Variants in RCBTB1 observed in about 807,000 individuals in gnomAD.
RCBTB1 encodes RCC1 and BTB domain containing protein 1.
Under a neutral mutation model 62.4 loss-of-function variants are expected in RCBTB1, and 46 were observed. The observed-to-expected ratio is 0.74, with a 90% confidence interval of 0.58 to 0.94. The LOEUF (loss-of-function observed/expected upper bound fraction) is 0.94. Among genes scored for constraint, RCBTB1 ranks in the 40% least tolerant of loss-of-function variants. The pLI, the probability that RCBTB1 is intolerant of heterozygous loss-of-function variation, is 0.00. For missense variants in RCBTB1, 565 were observed against 654.9 expected, an observed-to-expected ratio of 0.86 and a Z score of 1.50; for synonymous variants, 222 against 245.8, an observed-to-expected ratio of 0.90 and a Z score of 0.91.
At chr13:49,547,819 C>T (rs923314813) in intron 9 of RCBTB1, among the ~76,000 whole-genome samples, 4 of 152,114 alleles carry the variant, frequency 2.6e-5, no homozygotes, top group South Asian at 2.1e-4. Context: ...GACAGGGTCT[C>T]GCTGTGTCAC....
rs1454492229 is a variant in RCBTB1 at position 49,532,726 on chromosome 13, C to G, written c.*1396G>C. The G allele has an allele frequency of 6.6e-6, 1 of 152,030 alleles. No homozygotes were observed. Among genetic ancestry groups the G allele is most frequent in the Non-Finnish European group, 1.5e-5 (1 of 68,008 alleles). The allele number at this position is 152,030 out of a possible 1,614,324, so 9.4% of individuals were successfully genotyped here. A position where few individuals can be genotyped will look rare whatever the true frequency, so the allele number is the denominator to read the frequency against. ...GCTAAAAATAGTAGTTGTAGCATGT[C>G]TTCACCCACTTGTAATTTGGCTCTG... On this transcript the variant is annotated 3_prime_UTR_variant, in exon 13 of 13. Coordinates refer to ENST00000378302, the MANE Select transcript of RCBTB1 (RefSeq NM_018191.4).
chr13:49,574,308 G>A (rs1460066937), intron 2 of RCBTB1, among the ~76,000 whole-genome samples: 1 of 150,580 alleles, frequency 6.6e-6, no homozygotes, highest in Non-Finnish European at 1.5e-5. Context: ...TAGTAGAGAC[G>A]GGGTTTCACC....
rs577225821 is a variant in RCBTB1 at position 49,535,003 on chromosome 13, T to C, written c.1456-741A>G. On this transcript the variant is annotated intron_variant, in intron 12 of 12. Transcript: ENST00000378302. The stretch of plus-strand genomic sequence containing the variant: ...GAGCCGAGATCGCACCACTGCACTC[T>C]AGCCTGGGTGACAGAGCAGAGGCTC... Among the ~76,000 whole-genome samples the C allele has an allele frequency of 4.2e-5, 6 of 143,068 alleles. No individual in the cohort carries two copies. The East Asian group carries it at 6.8e-4, about 16-fold the overall frequency. The allele number at this position is 143,068 out of a possible 152,430, so 93.9% of individuals were successfully genotyped here. A position where few individuals can be genotyped will look rare whatever the true frequency, so the allele number is the denominator to read the frequency against.
chr13:49,534,048 C>T lies in RCBTB1; in HGVS notation c.*74G>A, dbSNP rs1959741128. Reference sequence around the variant, plus strand: ...GTCTTTTACCTGCAGAATCACATCACCCGTAGAGCACAAACTGGACACATC... The same window carrying T: ...GTCTTTTACCTGCAGAATCACATCATCCGTAGAGCACAAACTGGACACATC... On this transcript the variant is annotated 3_prime_UTR_variant, in exon 13 of 13. Coordinates refer to ENST00000378302, the MANE Select transcript of RCBTB1 (RefSeq NM_018191.4). 4.0e-6 allele frequency: 6 copies of T among 1,485,568 alleles called. No homozygotes were observed. The African/African-American group carries it at 7.0e-5, about 17-fold the overall frequency. 92.0% of individuals were successfully genotyped at this position (1,485,568 alleles called of 1,614,324 possible).
chr13:49,551,296 C>G (rs765487889), intron 8 of RCBTB1, 30 bp downstream of exon 8: 212 of 1,610,278 alleles, frequency 1.3e-4, no homozygotes, highest in Non-Finnish European at 1.6e-4. Context: ...ATCGCACACA[C>G]AGTCCCAAGA....
chr13:49,552,956 G>C (rs1328594031), intron 6 of RCBTB1, among the ~76,000 whole-genome samples: 1 of 152,084 alleles, frequency 6.6e-6, no homozygotes, highest in Non-Finnish European at 1.5e-5. Context: ...GGCCAGCGTG[G>C]GCAGATCACC....
Position 49,549,490 on chromosome 13 carries a change from G to A in RCBTB1, c.1013C>T (p.Thr338Ile), listed in dbSNP as rs774404843. Residue 338 changes from threonine to isoleucine, a missense_variant, in exon 9 of 13, where the codon ACT becomes ATT. Transcript: ENST00000378302. ...CTDDVFACFA[T>I]PAVSWRLLSV... ...CAGGAGGCGCCACGAGACGGCGGGA[G>A]TGGCAAAGCAGGCAAACACGTCGTC... 6.2e-7 allele frequency: 1 copy of A among 1,613,116 alleles called. No homozygotes were observed. Among genetic ancestry groups the A allele is most frequent in the East Asian group, 2.2e-5 (1 of 44,788 alleles).
intron 6 of RCBTB1, among the ~76,000 whole-genome samples, chr13:49,554,594 G>A (rs112997157): frequency 6.6e-6 from 1 of 152,170 alleles, no homozygotes; most frequent in African/African-American, 2.4e-5. Flanking sequence ...TGAGCAGCGG[G>A]CAAGGGAGTA....
In RCBTB1 at chr13:49,565,191, T is replaced by C. The variant is rs2137305119; in HGVS notation, c.277+1427A>G. Among the ~76,000 whole-genome samples the C allele has an allele frequency of 2.0e-5, 3 of 152,304 alleles. No homozygotes were observed. In the East Asian group the frequency reaches 5.8e-4, roughly 29 times the overall value. On this transcript the variant is annotated intron_variant, in intron 4 of 12. Coordinates refer to ENST00000378302, the MANE Select transcript of RCBTB1 (RefSeq NM_018191.4). ...CGCCACACCTGACTGGTTTTCGTAT[T>C]TTTTTGGTGGAGACGGGGTTTCGCT...
intron 5 of RCBTB1, among the ~76,000 whole-genome samples, chr13:49,557,622 T>C (rs1453720666): frequency 6.6e-6 from 1 of 152,052 alleles, no homozygotes; most frequent in Non-Finnish European, 1.5e-5. Context: ...TCAGCTGCCT[T>C]AAAAAATGAA....
At chr13:49,570,004 T>A (rs1379659274) in intron 2 of RCBTB1, among the ~76,000 whole-genome samples, 4 of 152,060 alleles carry the variant, frequency 2.6e-5, no homozygotes. Flanking sequence ...TCATAAGAAG[T>A]CAAGCCATAT....
intron 4 of RCBTB1, among the ~76,000 whole-genome samples, chr13:49,564,533 C>A (rs1344233448): frequency 1.4e-5 from 2 of 138,344 alleles, no homozygotes; most frequent in East Asian, 2.1e-4. Flanking sequence ...TTGAGTGGGC[C>A]GAGATCATGC....
chr13:49,573,973 G>A (rs1963591904), intron 2 of RCBTB1, among the ~76,000 whole-genome samples: 1 of 147,326 alleles, frequency 6.8e-6, no homozygotes, highest in South Asian at 2.1e-4. Context: ...TAGTAGAGAA[G>A]GGGTTTCACC....
intron 5 of RCBTB1, among the ~76,000 whole-genome samples, chr13:49,557,743 G>C (rs1397819018): frequency 6.7e-6 from 1 of 150,136 alleles, no homozygotes; most frequent in Non-Finnish European, 1.5e-5. Flanking sequence ...AACATAGCCA[G>C]ATTCTTGTCT....
In RCBTB1 at chr13:49,540,911, A is replaced by C. The variant is rs1416929540; in HGVS notation, c.1420T>G (p.Ser474Ala). The change falls in exon 12 of 13, where the codon TCG (serine) becomes GCG (alanine). Residue 474 changes from serine to alanine, a missense_variant. By Grantham distance (99) the Ser-to-Ala change is moderately conservative (BLOSUM62 1). Coordinates refer to ENST00000378302, the MANE Select transcript of RCBTB1 (RefSeq NM_018191.4). Reference protein sequence around the residue: ...KRGITVENAFSLFSAAVRYDA... With the variant: ...KRGITVENAFALFSAAVRYDA... ...TATCTGACTGCAGCAGAGAATAGCG[A>C]AAAGGCATTCTCCACAGTAATTCCT... The C allele has an allele frequency of 3.7e-6, 6 of 1,613,852 alleles. No homozygotes were observed. Among genetic ancestry groups the C allele is most frequent in the Non-Finnish European group, 5.1e-6 (6 of 1,179,994 alleles).
At chr13:49,547,290 T>TTAA in intron 9 of RCBTB1, 16 of 741,956 alleles carry the variant, frequency 2.2e-5, no homozygotes, top group Non-Finnish European at 2.7e-5. Flanking sequence ...CACCCTTGCC[T>TTAA]CCATGCCCAT....
chr13:49,533,239 G>C lies in RCBTB1; in HGVS notation c.*883C>G, dbSNP rs1062979. The C allele has an allele frequency of 0.48, 72,236 of 151,874 alleles. 17,610 individuals carry two copies. The highest frequency in any genetic ancestry group is 0.6 in the Middle Eastern group (175 of 294). The allele number at this position is 151,874 out of a possible 1,614,324, so 9.4% of individuals were successfully genotyped here. A position where few individuals can be genotyped will look rare whatever the true frequency, so the allele number is the denominator to read the frequency against. On this transcript the variant is annotated 3_prime_UTR_variant, in exon 13 of 13. Transcript: ENST00000378302. ...CAGCAGTCATAATTTAGGAAGGCAAGAGTATACTATACATGTCATTATTTT... is the reference window on the plus strand; with the variant it reads ...CAGCAGTCATAATTTAGGAAGGCAACAGTATACTATACATGTCATTATTTT...
chr13:49,574,514 C>T (rs1302771592), intron 2 of RCBTB1, among the ~76,000 whole-genome samples: 1 of 151,934 alleles, frequency 6.6e-6, no homozygotes, highest in Non-Finnish European at 1.5e-5. Flanking sequence ...TATGTTTTAC[C>T]CCTAGGCTGT....
In RCBTB1 at chr13:49,555,688, A is replaced by C. The variant is rs774275111; in HGVS notation, c.445-15T>G. ...CAAGCAAACACCTACAAGAGAAAGA[A>C]AAAGGAAAAGGAAAGAATAGTCAGG... On this transcript the variant is annotated splice_polypyrimidine_tract_variant and intron_variant, in intron 5 of 12. Coordinates refer to ENST00000378302, the MANE Select transcript of RCBTB1 (RefSeq NM_018191.4). 2 of 1,537,046 alleles carry C rather than the reference A, an allele frequency of 1.3e-6. No homozygotes were observed. The highest frequency in any genetic ancestry group is 4.6e-5 in the East Asian group (2 of 43,804).
Sources: allele counts gnomAD v4.1 joint callset (sites outside exome capture counted in the v4.1 genomes callset), GRCh38; gene constraint gnomAD v4.1.1; transcripts MANE v1.5; gene names NCBI Gene and HGNC (gene_info 2026-07-23, HGNC 2026-07-21).